DCLK2: variants seen among roughly 807,000 people sequenced by gnomAD.
The protein encoded by DCLK2 is doublecortin like kinase 2, also known as serine/threonine-protein kinase DCLK2.
A neutral mutation model predicts 78.4 loss-of-function variants in DCLK2; 31 were observed. The ratio of observed to expected loss-of-function variants is 0.40; its 90% CI spans 0.30 to 0.53. The LOEUF (loss-of-function observed/expected upper bound fraction) is 0.53. Among genes scored for constraint, DCLK2 ranks in the 20% least tolerant of loss-of-function variants. The pLI, the probability that DCLK2 is intolerant of heterozygous loss-of-function variation, is 0.61. For synonymous variants in DCLK2, 407 were observed against 374.9 expected, an observed-to-expected ratio of 1.09 and a Z score of -0.99; for missense variants, 872 against 973.7, an observed-to-expected ratio of 0.90 and a Z score of 1.39.
At chr4:150,255,612 T>A (rs1441138850) in intron 15 of DCLK2, among the ~76,000 whole-genome samples, 3 of 152,232 alleles carry the variant, frequency 2.0e-5, no homozygotes, top group Admixed American at 6.5e-5. Flanking sequence ...TGCGGGTAAC[T>A]TTTCAATCTG....
chr4:150,084,109 A>T (rs1281941347), intron 1 of DCLK2, among the ~76,000 whole-genome samples: 2 of 152,240 alleles, frequency 1.3e-5, no homozygotes, highest in Non-Finnish European at 2.9e-5. Context: ...GGTCAAGTTT[A>T]TAACTTTCCT....
intron 4 of DCLK2, among the ~76,000 whole-genome samples, chr4:150,201,816 G>A (rs76842997): frequency 6.6e-6 from 1 of 151,486 alleles, no homozygotes; most frequent in African/African-American, 2.4e-5. Context: ...AAAAAAAAAG[G>A]AAAAAAAGGA....
At chr4:150,136,085 A>T (rs183063885) in intron 2 of DCLK2, among the ~76,000 whole-genome samples, 1 of 152,248 alleles carries the variant, frequency 6.6e-6, no homozygotes, top group Non-Finnish European at 1.5e-5. Flanking sequence ...TGACCCCCTT[A>T]AATTGTGGAC....
At chr4:150,248,233 A>C in intron 13 of DCLK2, 72 bp from the exon 14 acceptor site, 3 of 1,386,460 alleles carry the variant, frequency 2.2e-6, no homozygotes, top group African/African-American at 1.4e-5. Flanking sequence ...CCACAAACTC[A>C]GATTTCTGTA....
intron 2 of DCLK2, among the ~76,000 whole-genome samples, chr4:150,158,240 A>T (rs933318662): frequency 4.6e-5 from 7 of 151,970 alleles, no homozygotes; most frequent in Non-Finnish European, 1.0e-4. Flanking sequence ...GTGTGTCCAC[A>T]TTTTCTTCTC....
intron 9 of DCLK2, 98 bp downstream of exon 9, chr4:150,232,554 C>G (rs1742157278): frequency 3.2e-6 from 5 of 1,542,156 alleles, no homozygotes; most frequent in Non-Finnish European, 4.4e-6. Context: ...TCATAACTTT[C>G]ATTATTTATA....
intron 1 of DCLK2, among the ~76,000 whole-genome samples, chr4:150,081,108 T>G (rs1031824993): frequency 4.6e-5 from 7 of 152,250 alleles, no homozygotes; most frequent in Non-Finnish European, 7.3e-5. Flanking sequence ...AATGCCTGTT[T>G]GCTTAAGCAC....
chr4:150,219,084 G>C (rs1460569161), intron 5 of DCLK2, among the ~76,000 whole-genome samples: 1 of 151,868 alleles, frequency 6.6e-6, no homozygotes, highest in Non-Finnish European at 1.5e-5. Context: ...TATACCTGTA[G>C]TCCCAGCTAC....
chr4:150,229,043 C>CAA (rs796791135), intron 8 of DCLK2, among the ~76,000 whole-genome samples: 1 of 137,270 alleles, frequency 7.3e-6, no homozygotes, highest in Non-Finnish European at 1.6e-5. Context: ...AAAAAAAAAA[C>CAA]AAAAAAAAAA....
intron 15 of DCLK2, chr4:150,253,391 T>G: frequency 9.4e-6 from 12 of 1,277,436 alleles, no homozygotes; most frequent in East Asian, 5.5e-5. Flanking sequence ...GAGACTTCAG[T>G]GAGAAAATGA....
chr4:150,192,332 T>A (rs1234527872), intron 2 of DCLK2, among the ~76,000 whole-genome samples: 1 of 151,922 alleles, frequency 6.6e-6, no homozygotes, highest in Non-Finnish European at 1.5e-5. Flanking sequence ...TATAAAAAAT[T>A]AGCTGGGTGT....
chr4:150,143,541 A>AT lies in DCLK2; in HGVS notation c.756+40737dup, dbSNP rs572201899. Among the ~76,000 whole-genome samples, 24 of 149,746 alleles carry AT rather than the reference A, an allele frequency of 1.6e-4. No homozygotes were observed. In the East Asian group the frequency reaches 2.7e-3, roughly 17 times the overall value. ...ATGCAGGTGCCTTTTTAATATAATG[A>AT]TTTTTTTTCCTTTGGATAGACATCT... On this transcript the variant is annotated intron_variant, in intron 2 of 15. Coordinates refer to ENST00000296550, the MANE Select transcript of DCLK2 (RefSeq NM_001040260.4).
intron 5 of DCLK2, among the ~76,000 whole-genome samples, chr4:150,210,964 G>GA (rs1244055347): frequency 4.2e-5 from 6 of 141,494 alleles, no homozygotes; most frequent in African/African-American, 8.0e-5. Flanking sequence ...AAAAAAAAAA[G>GA]AAAGAAAGAA....
intron 1 of DCLK2, among the ~76,000 whole-genome samples, chr4:150,082,938 TGA>T (rs2150129063): frequency 6.6e-6 from 1 of 152,326 alleles, no homozygotes; most frequent in Non-Finnish European, 1.5e-5. Flanking sequence ...AAAAAGTGCC[TGA>T]CCAAGTCAGG....
In DCLK2 at chr4:150,239,860, TC is replaced by T; in HGVS notation, c.1686del (p.Ile563LeufsTer8). ...CGTPTYVAPE[I>X]IAETGYGLKV... ...ACACCCACTTATGTGGCTCCAGAAA[TC>T]ATTGCTGAAACTGGGTAAGACTTCT... On this transcript the variant is annotated frameshift_variant, in exon 11 of 16. Transcript: ENST00000296550. LOFTEE classifies it high-confidence loss of function. 1 of 1,614,104 alleles carries T rather than the reference TC, an allele frequency of 6.2e-7. No individual in the cohort carries two copies. The highest frequency in any genetic ancestry group is 8.5e-7 in the Non-Finnish European group (1 of 1,180,014).
At chr4:150,233,974 T>G (rs1052429540) in intron 10 of DCLK2, among the ~76,000 whole-genome samples, 2 of 152,192 alleles carry the variant, frequency 1.3e-5, no homozygotes, top group African/African-American at 4.8e-5. Context: ...GTTGGCTTCT[T>G]TATTTCCACC....
chr4:150,128,726 G>T (rs1733085921), intron 2 of DCLK2, among the ~76,000 whole-genome samples: 1 of 152,156 alleles, frequency 6.6e-6, no homozygotes, highest in Non-Finnish European at 1.5e-5. Flanking sequence ...GTTTCATAGG[G>T]TAAAGATTTG....
chr4:150,168,756 C>T (rs1345290333), intron 2 of DCLK2, among the ~76,000 whole-genome samples: 1 of 152,128 alleles, frequency 6.6e-6, no homozygotes, highest in Non-Finnish European at 1.5e-5. Flanking sequence ...CTTAGCATTG[C>T]GTGTATTTTC....
At position 150,193,240 on chromosome 4, in the gene DCLK2, G is replaced by C; in HGVS notation, c.859G>C (p.Glu287Gln). 6.3e-7 allele frequency: 1 copy of C among 1,582,720 alleles called. No homozygotes were observed. Among genetic ancestry groups the C allele is most frequent in the East Asian group, 2.3e-5 (1 of 44,440 alleles). The change falls in exon 3 of 16, where the codon GAA becomes CAA. Residue 287 changes from glutamate to glutamine, a missense_variant and splice_region_variant. Physicochemically the swap from Glu to Gln is conservative, Grantham distance 29 (BLOSUM62 2). Transcript: ENST00000296550. ...AQDDFVLDHS[E>Q]CRVLKSSYSR... ...AGATGACTTTGTCCTGGATCATAGT[G>C]GTAAGGCAATTCTTCAGCTAATTCA... is the stretch of plus-strand genomic sequence containing the variant.
Sources: allele counts gnomAD v4.1 joint callset (sites outside exome capture counted in the v4.1 genomes callset), GRCh38; gene constraint gnomAD v4.1.1; transcripts MANE v1.5; gene names NCBI Gene and HGNC (gene_info 2026-07-23, HGNC 2026-07-21).